The following PUDP variants were observed in gnomAD, a reference collection of about 807,000 sequenced individuals.
The protein encoded by PUDP is pseudouridine-5'-phosphatase.
A neutral mutation model predicts 9.4 loss-of-function variants in PUDP; 8 were observed. The observed-to-expected ratio is 0.85, with a 90% CI of 0.50 to 1.53. The LOEUF (loss-of-function observed/expected upper bound fraction) is 1.53, where lower values mean the gene tolerates loss of function less well. PUDP is among the 40% of genes most tolerant of loss of function. The pLI, the probability that PUDP is intolerant of heterozygous loss-of-function variation, is 0.00. For missense variants in PUDP, 188 were observed against 189.7 expected (o/e 0.99, Z 0.05); for synonymous variants, 99 against 80.7 (o/e 1.23, Z -1.22).
At chrX:6,946,037 C>A (rs1335921489) in intron 3 of PUDP, among the ~76,000 whole-genome samples, 1 of 111,238 alleles carries the variant, frequency 9.0e-6, no homozygotes, top group East Asian at 2.8e-4. Flanking sequence ...TGATATCAAC[C>A]AACCGCCCGA....
At chrX:6,970,306 A>G (rs1461212511) in intron 3 of PUDP, among the ~76,000 whole-genome samples, 6 of 112,620 alleles carry the variant, frequency 5.3e-5, no homozygotes, top group African/African-American at 1.9e-4. Flanking sequence ...TTTATACAAT[A>G]ATTATTTTGT....
rs746739953 is a variant in PUDP, at chrX:6,852,677, A to G, written c.*247+124456T>C. On this transcript the variant is annotated intron_variant and NMD_transcript_variant, in intron 3 of 3. Transcript: ENST00000655425. The stretch of plus-strand genomic sequence containing the variant: ...ATTTTTAAAATAGACTAATATCTTT[A>G]ATATTTGTAAACACTATTTTTAATA... 2.7e-5 allele frequency among the ~76,000 whole-genome samples: 3 copies of G among 111,765 alleles called. No individual in the cohort carries two copies. The East Asian group carries it at 8.6e-4, about 32-fold the overall frequency.
chrX:6,747,348 T>G (rs1925012060), intron 3 of PUDP, among the ~76,000 whole-genome samples: 1 of 112,043 alleles, frequency 8.9e-6, no homozygotes, highest in African/African-American at 3.2e-5. Context: ...ATCCTATGAC[T>G]CATCTTGACC....
At chrX:7,118,402 A>G (rs1383539771) in intron 1 of PUDP, among the ~76,000 whole-genome samples, 4 of 112,047 alleles carry the variant, frequency 3.6e-5, no homozygotes, top group Non-Finnish European at 5.6e-5. Flanking sequence ...TCTCCATCCA[A>G]CTTGCCTTCC....
chrX:7,146,572 AT>A (rs1339238758), intron 1 of PUDP, among the ~76,000 whole-genome samples: 5 of 108,050 alleles, frequency 4.6e-5, no homozygotes, highest in Non-Finnish European at 9.6e-5. Context: ...CTCTACGGGG[AT>A]TTTTTTTTTC....
chrX:6,933,236 C>A (rs1371920348), intron 3 of PUDP, among the ~76,000 whole-genome samples: 2 of 109,317 alleles, frequency 1.8e-5, no homozygotes, highest in African/African-American at 3.3e-5. Context: ...AGGCACCCCC[C>A]AGTAGGGGCA....
chrX:6,853,756 A>G (rs941077737), intron 3 of PUDP, among the ~76,000 whole-genome samples: 4 of 111,392 alleles, frequency 3.6e-5, no homozygotes, highest in Admixed American at 2.9e-4. Context: ...CTTCTTTTAC[A>G]GAGCATGTTT....
intron 3 of PUDP, among the ~76,000 whole-genome samples, chrX:6,753,735 C>T (rs1048058467): frequency 8.9e-6 from 1 of 111,983 alleles, no homozygotes; most frequent in Non-Finnish European, 1.9e-5. Flanking sequence ...TGATGTTGAG[C>T]ATTTTTTCAT....
At chrX:6,946,258 G>C (rs981644961) in intron 3 of PUDP, among the ~76,000 whole-genome samples, 2 of 111,819 alleles carry the variant, frequency 1.8e-5, no homozygotes, top group African/African-American at 6.5e-5. Flanking sequence ...TGGGACACAT[G>C]AAGGGGCATG....
At chrX:7,121,449 G>A (rs1483771044) in intron 1 of PUDP, among the ~76,000 whole-genome samples, 3 of 111,758 alleles carry the variant, frequency 2.7e-5, no homozygotes, top group African/African-American at 6.5e-5. Flanking sequence ...AAAGTATGGC[G>A]CCATTCCTTC....
At position 6,954,665 on chromosome X, in the gene PUDP, G is replaced by C. The variant is rs138031793; in HGVS notation, c.*247+22468C>G. Among the ~76,000 whole-genome samples, 80 of 112,164 alleles carry C rather than the reference G, an allele frequency of 7.1e-4. 2 individuals carry two copies. The East Asian group carries it at 0.02, about 28-fold the overall frequency. ...TGAAAGGTGTTATGCATATGGTTAT[G>C]GTTCATTACAGCTAAAGGAGACAGA... On this transcript the variant is annotated intron_variant and NMD_transcript_variant, in intron 3 of 3. Transcript: ENST00000655425.
At chrX:7,005,385 C>T (rs181546326) in intron 1 of PUDP, among the ~76,000 whole-genome samples, 2 of 109,871 alleles carry the variant, frequency 1.8e-5, no homozygotes, top group African/African-American at 3.3e-5. Context: ...ATAAAATACA[C>T]ATCAAAATTT....
chrX:7,119,273 C>A (rs766250504), intron 1 of PUDP, among the ~76,000 whole-genome samples: 1 of 112,517 alleles, frequency 8.9e-6, no homozygotes, highest in East Asian at 2.8e-4. Context: ...GTTGTTAACA[C>A]GCTGTGAGCA....
chrX:6,956,956 A>G (rs1928637279), intron 3 of PUDP, among the ~76,000 whole-genome samples: 1 of 112,175 alleles, frequency 8.9e-6, no homozygotes, highest in South Asian at 3.7e-4. Flanking sequence ...CTAAGGGCAC[A>G]CATCTCTCAG....
intron 3 of PUDP, among the ~76,000 whole-genome samples, chrX:6,771,425 C>T: frequency 8.9e-6 from 1 of 112,202 alleles, no homozygotes; most frequent in Non-Finnish European, 1.9e-5. Context: ...TTTAATCCAT[C>T]ACCCAATATA....
intron 3 of PUDP, among the ~76,000 whole-genome samples, chrX:6,956,305 T>C (rs1928626683): frequency 9.0e-6 from 1 of 111,023 alleles, no homozygotes; most frequent in African/African-American, 3.3e-5. Context: ...GATTACAGCA[T>C]GAGCCACCAC....
At chrX:7,041,235 T>G (rs1318135094) in intron 1 of PUDP, among the ~76,000 whole-genome samples, 1 of 111,490 alleles carries the variant, frequency 9.0e-6, no homozygotes, top group Admixed American at 9.5e-5. Flanking sequence ...CTGAAGTACT[T>G]TTCAAATGCT....
chrX:6,768,902 G>T (rs1387244765), intron 3 of PUDP, among the ~76,000 whole-genome samples: 1 of 111,848 alleles, frequency 8.9e-6, no homozygotes, highest in Admixed American at 9.5e-5. Flanking sequence ...GCTTTCCGTG[G>T]TGGTGTTTAC....
At chrX:6,899,410 G>A (rs1054456287) in intron 3 of PUDP, among the ~76,000 whole-genome samples, 1 of 111,733 alleles carries the variant, frequency 8.9e-6, no homozygotes, top group Admixed American at 9.5e-5. Context: ...GCAAAACCCT[G>A]TGTCTACAAA....
Sources: allele counts gnomAD v4.1 joint callset (sites outside exome capture counted in the v4.1 genomes callset), GRCh38; gene constraint gnomAD v4.1.1; transcripts MANE v1.5; gene names NCBI Gene and HGNC (gene_info 2026-07-23, HGNC 2026-07-21).